NRXN3: variants seen among roughly 807,000 people sequenced by gnomAD.
NRXN3 encodes the protein neurexin III.
NRXN3 carries 32 observed loss-of-function variants against 137.6 expected under a neutral mutation model. That is an observed-to-expected ratio of 0.23 (90% confidence interval 0.18 to 0.31). The LOEUF is 0.31. Ranked by LOEUF, NRXN3 falls within the 10% of genes least tolerant of loss-of-function variation. The pLI, the probability that NRXN3 is intolerant of heterozygous loss-of-function variation, is 1.00. For missense variants in NRXN3, 1,574 were observed against 2,062.5 expected, an observed-to-expected ratio of 0.76 and a Z score of 4.59; for synonymous variants, 798 against 784.5, an observed-to-expected ratio of 1.02 and a Z score of -0.29.
chr14:78,954,703 G>A (rs1199469648), intron 10 of NRXN3, among the ~76,000 whole-genome samples: 1 of 151,038 alleles, frequency 6.6e-6, no homozygotes, highest in East Asian at 1.9e-4. Context: ...CTGACCTCGT[G>A]ATCTGCCCGC....
intron 19 of NRXN3, among the ~76,000 whole-genome samples, chr14:79,761,741 A>C (rs1336870143): frequency 6.6e-6 from 1 of 151,222 alleles, no homozygotes; most frequent in African/African-American, 2.5e-5. Flanking sequence ...TCAATTCAGC[A>C]GTAGTGTCCA....
chr14:79,833,632 A>AC (rs11386889), intron 20 of NRXN3, among the ~76,000 whole-genome samples: 138,063 of 152,032 alleles, frequency 0.91, 62,715 homozygotes, highest in East Asian at 0.95. Flanking sequence ...TTGAGAAATC[A>AC]CCTTAAAAGG....
At chr14:79,564,565 G>T (rs573983602) in intron 16 of NRXN3, among the ~76,000 whole-genome samples, 34 of 152,110 alleles carry the variant, frequency 2.2e-4, no homozygotes, top group Admixed American at 4.6e-4. Flanking sequence ...GTGGTTTCTG[G>T]ATGGTTAAGC....
At chr14:78,649,120 T>G in intron 5 of NRXN3, 1 of 443,646 alleles carries the variant, frequency 2.3e-6, no homozygotes, top group Non-Finnish European at 4.0e-6. Flanking sequence ...TTTGAGAAAC[T>G]AACACAAGAT....
intron 15 of NRXN3, among the ~76,000 whole-genome samples, chr14:79,274,182 GGC>G (rs1478044705): frequency 6.6e-6 from 1 of 151,318 alleles, no homozygotes; most frequent in African/African-American, 2.4e-5. Flanking sequence ...TTTGAACCTA[GGC>G]CGTGGAGCAC....
intron 8 of NRXN3, among the ~76,000 whole-genome samples, chr14:78,750,788 T>C (rs2098637477): frequency 6.6e-6 from 1 of 152,210 alleles, no homozygotes; most frequent in South Asian, 2.1e-4. Context: ...CATGTCTGTT[T>C]ATGAAGACTC....
intron 15 of NRXN3, among the ~76,000 whole-genome samples, chr14:79,171,016 C>A (rs1228525813): frequency 1.3e-5 from 2 of 151,942 alleles, no homozygotes; most frequent in East Asian, 1.9e-4. Context: ...TGCAAATAAC[C>A]TTTTTAGGAG....
At position 78,374,185 on chromosome 14, in the gene NRXN3, T is replaced by C. The variant is rs529214025; in HGVS notation, c.757+76325T>C. ...TTATATATTAGGATCTAGGATTCTC[T>C]GGTCATGTACCATGTTAGAGAAACA... On this transcript the variant is annotated intron_variant, in intron 4 of 20. Transcript: ENST00000335750. Among the ~76,000 whole-genome samples the C allele has an allele frequency of 5.8e-4, 88 of 152,344 alleles. 5 individuals carry two copies. In the South Asian group the frequency reaches 0.014, roughly 24 times the overall value.
intron 15 of NRXN3, among the ~76,000 whole-genome samples, chr14:79,451,942 G>A (rs577675278): frequency 5.3e-5 from 8 of 152,234 alleles, no homozygotes; most frequent in African/African-American, 1.9e-4. Flanking sequence ...TCAAATGCAG[G>A]CTTCAAATAC....
intron 16 of NRXN3, among the ~76,000 whole-genome samples, chr14:79,485,010 T>TATTCTTAATACA (rs1304249477): frequency 6.6e-6 from 1 of 152,172 alleles, no homozygotes; most frequent in Non-Finnish European, 1.5e-5. Flanking sequence ...AGTTGGTTAT[T>TATTCTTAATACA]ATTCTTAAAA....
At chr14:79,645,614 C>CAA (rs558284799) in intron 16 of NRXN3, among the ~76,000 whole-genome samples, 4 of 89,594 alleles carry the variant, frequency 4.5e-5, no homozygotes, top group Non-Finnish European at 8.1e-5. Context: ...GACTCTGTCT[C>CAA]AAAAAAAAAA....
chr14:79,578,004 G>A (rs1399383729), intron 16 of NRXN3, among the ~76,000 whole-genome samples: 1 of 152,148 alleles, frequency 6.6e-6, no homozygotes, highest in East Asian at 1.9e-4. Flanking sequence ...CTAGGTGAAG[G>A]ATGCATGATC....
At chr14:78,908,746 T>C (rs2099226997) in intron 10 of NRXN3, among the ~76,000 whole-genome samples, 1 of 152,062 alleles carries the variant, frequency 6.6e-6, no homozygotes, top group Admixed American at 6.6e-5. Context: ...ATGAATTCTA[T>C]TAAAATTGCA....
intron 14 of NRXN3, among the ~76,000 whole-genome samples, chr14:78,972,436 A>G (rs2099445358): frequency 6.6e-6 from 1 of 152,188 alleles, no homozygotes; most frequent in African/African-American, 2.4e-5. Context: ...GGCATTTGCA[A>G]GAGGGCACAA....
chr14:78,676,133 T>C (rs116767247), intron 6 of NRXN3, among the ~76,000 whole-genome samples: 89 of 152,306 alleles, frequency 5.8e-4, no homozygotes, highest in African/African-American at 2.1e-3. Context: ...TTAATAGCCC[T>C]ACTGTGGCCT....
chr14:79,742,351 C>A (rs963285299), intron 19 of NRXN3, among the ~76,000 whole-genome samples: 6 of 152,234 alleles, frequency 3.9e-5, no homozygotes, highest in Middle Eastern at 6.8e-3. Context: ...GATTCATTTG[C>A]TGCATAATTT....
chr14:78,660,714 C>T (rs1356899720), intron 6 of NRXN3, among the ~76,000 whole-genome samples: 1 of 152,200 alleles, frequency 6.6e-6, no homozygotes, highest in African/African-American at 2.4e-5. Context: ...AAACAGTTTT[C>T]AAATTAGACT....
At chr14:78,747,418 C>A in intron 8 of NRXN3, among the ~76,000 whole-genome samples, 1 of 146,728 alleles carries the variant, frequency 6.8e-6, no homozygotes, top group South Asian at 2.1e-4. Flanking sequence ...CTTTAGTGAT[C>A]TGCTAAGGCT....
At chr14:79,056,389 G>A (rs12432817) in intron 15 of NRXN3, among the ~76,000 whole-genome samples, 76,511 of 128,808 alleles carry the variant, frequency 0.59, 22,478 homozygotes, top group East Asian at 0.79. Flanking sequence ...GAATGTATCC[G>A]TGCATTTTTT....
Sources: gnomAD v4.1 joint callset for allele counts (sites outside exome capture counted in the v4.1 genomes callset) on GRCh38, gnomAD v4.1.1 for gene constraint, MANE v1.5 for transcripts, NCBI Gene and HGNC (gene_info 2026-07-23, HGNC 2026-07-21) for gene names.